HCN1: variants seen among roughly 807,000 people sequenced by gnomAD.
HCN1 encodes the protein hyperpolarization activated cyclic nucleotide gated potassium channel 1.
A neutral mutation model predicts 78.9 loss-of-function variants in HCN1; 13 were observed. The observed-to-expected ratio is 0.16, with a 90% confidence interval of 0.11 to 0.26. The LOEUF (loss-of-function observed/expected upper bound fraction) is 0.26, where lower values mean the gene tolerates loss of function less well. HCN1 is among the 10% of genes least tolerant of loss of function. The probability of loss-of-function intolerance (pLI) is 1.00; values close to 1 mark genes in which losing one functional copy is unlikely to be tolerated. For missense variants in HCN1, 810 were observed against 1,154.3 expected, an observed-to-expected ratio of 0.70 and a Z score of 4.32; for synonymous variants, 552 against 455.5, an observed-to-expected ratio of 1.21 and a Z score of -2.70.
At chr5:45,309,370 CCTAATTGCTATGG>C (rs1439611261) in intron 5 of HCN1, among the ~76,000 whole-genome samples, 5 of 152,066 alleles carry the variant, frequency 3.3e-5, no homozygotes. Context: ...ACTTCTCTTT[CCTAATTGCTATGG>C]CCAGAACTTC....
chr5:45,551,417 G>C (rs1172711516), intron 2 of HCN1, among the ~76,000 whole-genome samples: 1 of 150,712 alleles, frequency 6.6e-6, no homozygotes, highest in East Asian at 2.0e-4. Context: ...ATATATCCAA[G>C]AGTTTAAGTT....
chr5:45,295,209 G>A (rs75299819), intron 6 of HCN1, among the ~76,000 whole-genome samples: 2,250 of 152,020 alleles, frequency 0.015, 79 homozygotes, highest in African/African-American at 0.052. Flanking sequence ...GAACTCCCAG[G>A]TAATCCACAT....
At chr5:45,316,151 GC>G (rs1399941690) in intron 5 of HCN1, among the ~76,000 whole-genome samples, 1 of 152,156 alleles carries the variant, frequency 6.6e-6, no homozygotes, top group Non-Finnish European at 1.5e-5. Context: ...GAACATCGAT[GC>G]AAAAATCTTC....
intron 2 of HCN1, among the ~76,000 whole-genome samples, chr5:45,580,570 G>T (rs188796765): frequency 1.3e-5 from 2 of 152,054 alleles, no homozygotes; most frequent in Admixed American, 1.3e-4. Flanking sequence ...TAAGTTTTAG[G>T]GTACATGTGC....
At chr5:45,262,882 T>A (rs1744778879) in intron 7 of HCN1, 72 bp from the exon 8 acceptor site, 2 of 1,520,612 alleles carry the variant, frequency 1.3e-6, no homozygotes, top group African/African-American at 1.4e-5. Flanking sequence ...TGAGAGTGGC[T>A]CCTGCAAACA....
intron 6 of HCN1, among the ~76,000 whole-genome samples, chr5:45,283,316 T>C (rs1179522907): frequency 2.0e-5 from 3 of 152,062 alleles, no homozygotes; most frequent in East Asian, 1.9e-4. Context: ...ACTTAGGAGT[T>C]TCTGCACAGC....
rs895117851 is a variant in HCN1 at position 45,255,057 on chromosome 5, C to T, written c.*6864G>A. 3 of 152,160 alleles carry T rather than the reference C, an allele frequency of 2.0e-5. No homozygotes were observed. Among genetic ancestry groups the T allele is most frequent in the South Asian group, 2.1e-4 (1 of 4,830 alleles). The allele number at this position is 152,160 out of a possible 1,614,324, so 9.4% of individuals were successfully genotyped here. A position where few individuals can be genotyped will look rare whatever the true frequency, so the allele number is the denominator to read the frequency against. ...ACTGATGTGATATTAAGAAACATTG[C>T]TAGCTATGGCACCAAAATTTATGTG... On this transcript the variant is annotated 3_prime_UTR_variant, in exon 8 of 8. Transcript: ENST00000303230.
intron 3 of HCN1, among the ~76,000 whole-genome samples, chr5:45,408,055 C>A (rs1306334527): frequency 1.3e-5 from 2 of 151,990 alleles, no homozygotes; most frequent in Non-Finnish European, 2.9e-5. Flanking sequence ...TATTTTTATA[C>A]AGTTGTACAA....
In HCN1 at chr5:45,629,198, T is replaced by G. The variant is rs1745226877; in HGVS notation, c.849+15987A>C. Among the ~76,000 whole-genome samples the G allele has an allele frequency of 2.6e-5, 4 of 151,826 alleles. No homozygotes were observed. The South Asian group carries it at 6.2e-4, about 24-fold the overall frequency. ...GCTTCAAAGTATCTACAATAAAAAC[T>G]GATAGAACTGAAAGGGGAAATGGAG... is the stretch of plus-strand genomic sequence containing the variant. On this transcript the variant is annotated intron_variant, in intron 2 of 7. Coordinates refer to ENST00000303230, the MANE Select transcript of HCN1 (RefSeq NM_021072.4).
intron 2 of HCN1, among the ~76,000 whole-genome samples, chr5:45,500,975 T>C (rs1416185501): frequency 6.6e-6 from 1 of 152,172 alleles, no homozygotes; most frequent in Non-Finnish European, 1.5e-5. Context: ...TTATCCTATT[T>C]ATCTCATTCT....
intron 2 of HCN1, among the ~76,000 whole-genome samples, chr5:45,606,428 T>C (rs1183651384): frequency 6.6e-6 from 1 of 151,948 alleles, no homozygotes; most frequent in Non-Finnish European, 1.5e-5. Flanking sequence ...GGGCTGGCAT[T>C]TATCCTGAGG....
chr5:45,693,001 T>G (rs1285808130), intron 1 of HCN1, among the ~76,000 whole-genome samples: 5 of 152,200 alleles, frequency 3.3e-5, no homozygotes, highest in African/African-American at 1.2e-4. Flanking sequence ...GTTAAATGAT[T>G]AATGAACTTA....
intron 1 of HCN1, among the ~76,000 whole-genome samples, chr5:45,670,517 C>T (rs985059006): frequency 2.0e-5 from 3 of 151,602 alleles, no homozygotes. Context: ...GAATCATCCT[C>T]AATTAGAAAA....
chr5:45,281,580 T>C (rs960812273), intron 6 of HCN1, among the ~76,000 whole-genome samples: 2 of 85,782 alleles, frequency 2.3e-5, no homozygotes, highest in African/African-American at 9.4e-5. Context: ...TCTTCTCTTC[T>C]TTTTTTTTTT....
intron 4 of HCN1, among the ~76,000 whole-genome samples, chr5:45,380,563 C>T (rs1318529815): frequency 1.3e-5 from 2 of 152,020 alleles, no homozygotes; most frequent in Non-Finnish European, 2.9e-5. Context: ...TAAATGGACA[C>T]ATTTTTCATC....
At chr5:45,551,198 T>A (rs1167952317) in intron 2 of HCN1, among the ~76,000 whole-genome samples, 6 of 151,954 alleles carry the variant, frequency 3.9e-5, no homozygotes, top group African/African-American at 1.2e-4. Context: ...ATTGTGAGAA[T>A]TTTCTGCCCA....
intron 4 of HCN1, among the ~76,000 whole-genome samples, chr5:45,356,472 C>A (rs1272788757): frequency 3.9e-5 from 6 of 151,910 alleles, no homozygotes; most frequent in Admixed American, 1.3e-4. Flanking sequence ...TCAAACCCAC[C>A]AGTCTCACTT....
At chr5:45,311,922 C>T (rs1429275869) in intron 5 of HCN1, among the ~76,000 whole-genome samples, 1 of 152,174 alleles carries the variant, frequency 6.6e-6, no homozygotes, top group Admixed American at 6.6e-5. Flanking sequence ...AGTAAATAAG[C>T]TCAGATGCTA....
intron 2 of HCN1, among the ~76,000 whole-genome samples, chr5:45,497,457 T>C (rs1004820222): frequency 1.3e-5 from 2 of 152,262 alleles, no homozygotes; most frequent in Non-Finnish European, 2.9e-5. Context: ...CATTATGTAA[T>C]GGCCTTCTTT....
Sources: gnomAD v4.1 joint callset for allele counts (sites outside exome capture counted in the v4.1 genomes callset) on GRCh38, gnomAD v4.1.1 for gene constraint, MANE v1.5 for transcripts, NCBI Gene and HGNC (gene_info 2026-07-23, HGNC 2026-07-21) for gene names.